The following ESRRG variants were observed in gnomAD, a reference collection of about 807,000 sequenced individuals.
ESRRG encodes estrogen-related receptor gamma.
In ESRRG, 13 loss-of-function variants were observed where a neutral mutation model predicts 44.0. That is an observed-to-expected ratio of 0.30 (90% CI 0.19 to 0.47). The LOEUF (loss-of-function observed/expected upper bound fraction) is 0.47. ESRRG is among the 20% of genes least tolerant of loss of function. ESRRG has a pLI of 1.00. For synonymous variants in ESRRG, 215 were observed against 214.6 expected (o/e 1.00, Z -0.02); for missense variants, 395 against 580.6 (o/e 0.68, Z 3.29).
At chr1:217,021,026 C>T (rs1302837906) in intron 1 of ESRRG, among the ~76,000 whole-genome samples, 5 of 150,302 alleles carry the variant, frequency 3.3e-5, no homozygotes, top group African/African-American at 1.2e-4. Flanking sequence ...GAGAACCCCC[C>T]CATCCCCCAA....
intron 2 of ESRRG, among the ~76,000 whole-genome samples, chr1:216,894,936 A>C (rs1002104392): frequency 6.6e-6 from 1 of 152,122 alleles, no homozygotes; most frequent in African/African-American, 2.4e-5. Context: ...AACTTGCTAA[A>C]ATATATTTCT....
intron 1 of ESRRG, among the ~76,000 whole-genome samples, chr1:216,685,114 A>T (rs2077687018): frequency 6.6e-6 from 1 of 152,310 alleles, no homozygotes; most frequent in South Asian, 2.1e-4. Context: ...GCTTTCGAAC[A>T]GTGTGCTATA....
intron 1 of ESRRG, among the ~76,000 whole-genome samples, chr1:216,992,752 A>G (rs2075894168): frequency 6.6e-6 from 1 of 152,238 alleles, no homozygotes; most frequent in Admixed American, 6.5e-5. Flanking sequence ...CAAAATTTAC[A>G]AAGCTCATGC....
In ESRRG at chr1:216,588,670, T is replaced by C. The variant is rs79115602; in HGVS notation, c.590-20572A>G. Among the ~76,000 whole-genome samples, 325 of 152,324 alleles carry C rather than the reference T, an allele frequency of 2.1e-3. 6 individuals are homozygous for C. The East Asian group carries it at 0.04, about 19-fold the overall frequency. The stretch of plus-strand genomic sequence containing the variant: ...CTCAGAGAAGTTAAGCAATTCACGA[T>C]TAATACTCTGCACCTGTTTTTCTAA... On this transcript the variant is annotated intron_variant, in intron 3 of 6. Coordinates refer to ENST00000408911, the MANE Select transcript of ESRRG (RefSeq NM_001438.4).
intron 1 of ESRRG, among the ~76,000 whole-genome samples, chr1:217,072,841 G>C (rs922871975): frequency 2.6e-5 from 4 of 152,138 alleles, no homozygotes; most frequent in African/African-American, 7.2e-5. Context: ...CATGTGTTGT[G>C]TGGGCAACTT....
At chr1:216,928,547 T>C (rs1265435373) in intron 2 of ESRRG, among the ~76,000 whole-genome samples, 1 of 152,202 alleles carries the variant, frequency 6.6e-6, no homozygotes, top group Non-Finnish European at 1.5e-5. Flanking sequence ...ACATTTTTTA[T>C]GAGTTTCCTA....
At chr1:216,591,229 T>C (rs2057612869) in intron 3 of ESRRG, among the ~76,000 whole-genome samples, 1 of 152,200 alleles carries the variant, frequency 6.6e-6, no homozygotes, top group African/African-American at 2.4e-5. Context: ...AGTTCATCAA[T>C]GATGACCATG....
intron 1 of ESRRG, among the ~76,000 whole-genome samples, chr1:217,132,020 C>A (rs943954618): frequency 2.0e-5 from 3 of 152,074 alleles, no homozygotes; most frequent in African/African-American, 7.2e-5. Context: ...TTAGGAAGAC[C>A]CCATTGCTGG....
rs2060483131 is a variant in ESRRG at position 216,912,178 on chromosome 1, A to AGG, written c.-14+27403_-14+27404insCC. Among the ~76,000 whole-genome samples the AGG allele has an allele frequency of 1.5e-3, 29 of 18,834 alleles. 3 individuals carry two copies. Among genetic ancestry groups the AGG allele is most frequent in the Non-Finnish European group, 9.5e-4 (11 of 11,592 alleles). The allele number at this position is 18,834 out of a possible 152,430, so 12.4% of individuals were successfully genotyped here. On this transcript the variant is annotated intron_variant, in intron 2 of 7. Coordinates refer to the ESRRG transcript ENST00000359162. ...AAGAAAAGAAAAGAAAAGAAAAGAA[A>AGG]AGAAAAGGAGAGGAGAGGAGAGGAG...
intron 1 of ESRRG, among the ~76,000 whole-genome samples, chr1:217,134,132 A>T (rs770385628): frequency 1.3e-5 from 2 of 152,086 alleles, no homozygotes; most frequent in Non-Finnish European, 2.9e-5. Flanking sequence ...TGCTGCTGCA[A>T]TGTGAGCTCG....
chr1:216,703,607 G>A (rs983218387), intron 1 of ESRRG, among the ~76,000 whole-genome samples: 1 of 151,370 alleles, frequency 6.6e-6, no homozygotes, highest in Non-Finnish European at 1.5e-5. Context: ...TTAAGTGCAA[G>A]GAAAAAATAG....
chr1:217,064,572 C>A (rs1409129945), intron 1 of ESRRG, among the ~76,000 whole-genome samples: 7 of 152,272 alleles, frequency 4.6e-5, no homozygotes, highest in African/African-American at 1.4e-4. Flanking sequence ...AATTCACCTG[C>A]TTTTCAGGCC....
chr1:216,987,043 C>T (rs1028583478), intron 1 of ESRRG, among the ~76,000 whole-genome samples: 7 of 152,182 alleles, frequency 4.6e-5, no homozygotes, highest in African/African-American at 7.2e-5. Context: ...AAGAGGCAAT[C>T]GAAGAGCATG....
At chr1:216,654,629 CAAAAAAA>C (rs35748361) in intron 2 of ESRRG, among the ~76,000 whole-genome samples, 1 of 94,190 alleles carries the variant, frequency 1.1e-5, no homozygotes, top group Middle Eastern at 5.1e-3. Flanking sequence ...AACTCTGTTT[CAAAAAAA>C]AAAAAAAAAA....
At chr1:216,645,759 C>A (rs1019013407) in intron 3 of ESRRG, among the ~76,000 whole-genome samples, 1 of 150,982 alleles carries the variant, frequency 6.6e-6, no homozygotes, top group African/African-American at 2.4e-5. Flanking sequence ...GTAGTCCCAG[C>A]TACTCAGGAA....
intron 1 of ESRRG, among the ~76,000 whole-genome samples, chr1:216,713,183 C>T (rs1013174234): frequency 2.6e-5 from 4 of 151,896 alleles, no homozygotes; most frequent in Admixed American, 2.0e-4. Flanking sequence ...TATTTGTAGG[C>T]GTCAAATTAC....
At chr1:217,049,462 T>G (rs10863291) in intron 1 of ESRRG, among the ~76,000 whole-genome samples, 2 of 148,784 alleles carry the variant, frequency 1.3e-5, no homozygotes, top group Admixed American at 6.6e-5. Context: ...AAAGCATAAC[T>G]AAAAGTAGTA....
At chr1:216,887,209 C>G (rs931267815) in intron 2 of ESRRG, among the ~76,000 whole-genome samples, 1 of 152,098 alleles carries the variant, frequency 6.6e-6, no homozygotes, top group South Asian at 2.1e-4. Flanking sequence ...AATTCAAAAG[C>G]CCAGATCCTC....
At chr1:216,767,329 GA>G (rs1223996091) in intron 2 of ESRRG, among the ~76,000 whole-genome samples, 1 of 151,972 alleles carries the variant, frequency 6.6e-6, no homozygotes, top group East Asian at 1.9e-4. Context: ...CACTATTTCT[GA>G]AAAATAAGGG....
Sources: gnomAD v4.1 joint callset for allele counts (sites outside exome capture counted in the v4.1 genomes callset) on GRCh38, gnomAD v4.1.1 for gene constraint, MANE v1.5 for transcripts, NCBI Gene and HGNC (gene_info 2026-07-23, HGNC 2026-07-21) for gene names.